WASL: variants seen among roughly 807,000 people sequenced by gnomAD.
WASL encodes the protein WASP like actin nucleation promoting factor.
In WASL, 20 loss-of-function variants were observed where a neutral mutation model predicts 55.5. The ratio of observed to expected loss-of-function variants is 0.36; its 90% CI spans 0.25 to 0.52. The LOEUF (loss-of-function observed/expected upper bound fraction) is 0.52. Among genes scored for constraint, WASL ranks in the 20% least tolerant of loss-of-function variants. The pLI is 0.92. For missense variants in WASL, 504 were observed against 622.5 expected, an observed-to-expected ratio of 0.81 and a Z score of 2.03; for synonymous variants, 249 against 217.6, an observed-to-expected ratio of 1.14 and a Z score of -1.27.
At chr7:123,748,495 C>CGGGGCT in intron 1 of WASL, 123 bp downstream of exon 1, 1 of 967,866 alleles carries the variant, frequency 1.0e-6, no homozygotes, top group Non-Finnish European at 1.5e-6. Context: ...GGGCCGGGGC[C>CGGGGCT]GGGGCTGGCG....
intron 2 of WASL, among the ~76,000 whole-genome samples, chr7:123,707,154 G>A (rs1024307947): frequency 2.6e-5 from 4 of 152,058 alleles, no homozygotes; most frequent in African/African-American, 9.7e-5. Context: ...GGTCATCAAT[G>A]TTACATAGAA....
At chr7:123,714,555 C>G (rs1369998137) in intron 1 of WASL, among the ~76,000 whole-genome samples, 1 of 152,170 alleles carries the variant, frequency 6.6e-6, no homozygotes, top group East Asian at 1.9e-4. Flanking sequence ...GGACCAAACA[C>G]AGAGAGTCTT....
intron 5 of WASL, among the ~76,000 whole-genome samples, chr7:123,703,162 CATG>C (rs760316997): frequency 1.3e-5 from 2 of 152,176 alleles, no homozygotes; most frequent in Non-Finnish European, 2.9e-5. Flanking sequence ...TATCCTGAGA[CATG>C]ATATTTACCC....
chr7:123,717,118 G>A (rs544034943), intron 1 of WASL, among the ~76,000 whole-genome samples: 87 of 151,742 alleles, frequency 5.7e-4, no homozygotes, highest in African/African-American at 2.0e-3. Context: ...CCTTAATTTT[G>A]GGGCAGGGAA....
At chr7:123,728,949 A>G (rs564145434) in intron 1 of WASL, among the ~76,000 whole-genome samples, 11 of 152,324 alleles carry the variant, frequency 7.2e-5, no homozygotes, top group African/African-American at 2.6e-4. Context: ...GAGTAAGTAC[A>G]TACATGTGTA....
At chr7:123,697,679 A>G (rs1803514150) in intron 5 of WASL, among the ~76,000 whole-genome samples, 1 of 152,166 alleles carries the variant, frequency 6.6e-6, no homozygotes, top group African/African-American at 2.4e-5. Flanking sequence ...TGTGTAGAAA[A>G]GAGTTTAAGG....
chr7:123,718,934 T>C (rs1435893688), intron 1 of WASL, among the ~76,000 whole-genome samples: 1 of 152,248 alleles, frequency 6.6e-6, no homozygotes, highest in Non-Finnish European at 1.5e-5. Context: ...GCAGGCATAA[T>C]GCCAGGTACT....
chr7:123,689,549 G>C (rs13230230), intron 9 of WASL, among the ~76,000 whole-genome samples: 1 of 151,948 alleles, frequency 6.6e-6, no homozygotes, highest in Admixed American at 6.5e-5. Context: ...GAGTTGTTAC[G>C]TGGGACGCAC....
chr7:123,734,394 A>G (rs1804191739), intron 1 of WASL, among the ~76,000 whole-genome samples: 1 of 152,186 alleles, frequency 6.6e-6, no homozygotes, highest in African/African-American at 2.4e-5. Context: ...GGTCAACATC[A>G]TATGGCATTA....
intron 9 of WASL, among the ~76,000 whole-genome samples, chr7:123,691,305 G>T (rs1803404105): frequency 6.6e-6 from 1 of 152,136 alleles, no homozygotes; most frequent in Admixed American, 6.5e-5. Flanking sequence ...GGCTCCAAAA[G>T]AAGTATGTAA....
chr7:123,740,839 G>A (rs748709864), intron 1 of WASL, among the ~76,000 whole-genome samples: 2 of 152,128 alleles, frequency 1.3e-5, no homozygotes, highest in Admixed American at 6.5e-5. Flanking sequence ...TCCTGCCTCA[G>A]CCTCCCAAAG....
chr7:123,688,992 C>G (rs62472074), intron 10 of WASL, 50 bp downstream of exon 10: 1 of 1,440,086 alleles, frequency 6.9e-7, no homozygotes, highest in South Asian at 1.2e-5. Context: ...TAAACACACA[C>G]GCACACTCTC....
In WASL at chr7:123,711,643, A is replaced by G. The variant is rs139614364; in HGVS notation, c.118-2420T>C. On this transcript the variant is annotated intron_variant, in intron 1 of 10. Transcript: ENST00000223023. Reference sequence around the variant, plus strand: ...TTAATACAGTATATTAATGCTAGACAATATAAAAACAGTCACTAATCCCCA... The same window carrying G: ...TTAATACAGTATATTAATGCTAGACGATATAAAAACAGTCACTAATCCCCA... 1.0e-3 allele frequency among the ~76,000 whole-genome samples: 154 copies of G among 152,332 alleles called. 1 individual carries two copies. In the Middle Eastern group the frequency reaches 0.014, roughly 13 times the overall value.
At chr7:123,745,028 T>C (rs1003125475) in intron 1 of WASL, among the ~76,000 whole-genome samples, 1 of 152,142 alleles carries the variant, frequency 6.6e-6, no homozygotes, top group Non-Finnish European at 1.5e-5. Context: ...ATGAAGCCAA[T>C]CACCAATCCA....
intron 1 of WASL, among the ~76,000 whole-genome samples, chr7:123,738,588 T>C (rs1337404144): frequency 6.6e-6 from 1 of 152,218 alleles, no homozygotes; most frequent in Non-Finnish European, 1.5e-5. Flanking sequence ...ACGTTTCTGG[T>C]ATCTAGCCTT....
chr7:123,728,188 A>T (rs1424546935), intron 1 of WASL, among the ~76,000 whole-genome samples: 2 of 152,220 alleles, frequency 1.3e-5, no homozygotes, highest in Admixed American at 6.5e-5. Context: ...AATACAAAAA[A>T]ATAAAAAAAC....
chr7:123,739,235 C>CA (rs1186399953), intron 1 of WASL, among the ~76,000 whole-genome samples: 19 of 152,240 alleles, frequency 1.2e-4, no homozygotes, highest in African/African-American at 4.3e-4. Context: ...AAAGGTCTTC[C>CA]AAAATCTAGC....
At chr7:123,732,638 A>G (rs1222484656) in intron 1 of WASL, among the ~76,000 whole-genome samples, 1 of 152,248 alleles carries the variant, frequency 6.6e-6, no homozygotes, top group African/African-American at 2.4e-5. Context: ...AATACATGAT[A>G]GAAATCTCTT....
intron 1 of WASL, among the ~76,000 whole-genome samples, chr7:123,736,925 A>C (rs1420570813): frequency 1.3e-5 from 2 of 152,220 alleles, no homozygotes; most frequent in Non-Finnish European, 2.9e-5. Flanking sequence ...TTGAAGAGTA[A>C]TGAGAGACTT....
Sources: allele counts gnomAD v4.1 joint callset (sites outside exome capture counted in the v4.1 genomes callset), GRCh38; gene constraint gnomAD v4.1.1; transcripts MANE v1.5; gene names NCBI Gene and HGNC (gene_info 2026-07-23, HGNC 2026-07-21).